Variants in PGR observed in about 807,000 individuals in gnomAD.
PGR encodes the protein nuclear receptor subfamily 3 group C member 3.
In PGR, 25 loss-of-function variants were observed where a neutral mutation model predicts 76.1. The observed-to-expected ratio is 0.33, with a 90% CI of 0.24 to 0.46. The LOEUF is 0.46. PGR is among the 20% of genes least tolerant of loss of function. PGR has a pLI of 1.00. For missense variants in PGR, 1,172 were observed against 1,225.3 expected, an observed-to-expected ratio of 0.96 and a Z score of 0.65; for synonymous variants, 579 against 535.0, an observed-to-expected ratio of 1.08 and a Z score of -1.14.
Position 101,127,874 on chromosome 11 carries a change from G to A in PGR, c.1197C>T (p.Arg399=), listed in dbSNP as rs1043504333. Residue 399 remains arginine, a synonymous_variant, in exon 1 of 8, where the codon CGC becomes CGT. Coordinates refer to ENST00000325455, the MANE Select transcript of PGR (RefSeq NM_000926.4). ...EEEEGAEASA[R]SPRSYLVAGA... Reference sequence around the variant, plus strand: ...CGGCCACAAGGTAGGAACGCGGGGAGCGCGCGGAGGCCTCCGCGCCTTCCT... The same window carrying A: ...CGGCCACAAGGTAGGAACGCGGGGAACGCGCGGAGGCCTCCGCGCCTTCCT... 8 of 1,602,096 alleles carry A rather than the reference G, an allele frequency of 5.0e-6. No individual in the cohort carries two copies. The highest frequency in any genetic ancestry group is 6.8e-6 in the Non-Finnish European group (8 of 1,177,832).
At chr11:101,047,225 T>C (rs888200132) in intron 6 of PGR, among the ~76,000 whole-genome samples, 6 of 152,108 alleles carry the variant, frequency 3.9e-5, no homozygotes, top group African/African-American at 1.2e-4. Context: ...GTTGATTAAT[T>C]CCATTGTTGT....
chr11:101,081,205 G>A (rs546825184), intron 3 of PGR, among the ~76,000 whole-genome samples: 1 of 152,158 alleles, frequency 6.6e-6, no homozygotes, highest in African/African-American at 2.4e-5. Context: ...TGAGGCAGGT[G>A]GATCATGAGG....
intron 3 of PGR, among the ~76,000 whole-genome samples, chr11:101,069,250 C>CCG (rs1565342569): frequency 6.6e-6 from 1 of 151,700 alleles, no homozygotes; most frequent in Non-Finnish European, 1.5e-5. Context: ...GGCCAAAAAA[C>CCG]ATGGAAAAAA....
At chr11:101,081,137 T>C (rs1166258832) in intron 3 of PGR, among the ~76,000 whole-genome samples, 1 of 151,990 alleles carries the variant, frequency 6.6e-6, no homozygotes, top group Non-Finnish European at 1.5e-5. Flanking sequence ...ACCACAAACA[T>C]GAACATCACT....
chr11:101,079,255 T>A (rs2135436845), intron 3 of PGR, among the ~76,000 whole-genome samples: 1 of 152,130 alleles, frequency 6.6e-6, no homozygotes, highest in East Asian at 1.9e-4. Flanking sequence ...GCATAGGCAA[T>A]CAAGGCAAAA....
chr11:101,035,234 T>G lies in PGR; in HGVS notation c.*3882A>C, dbSNP rs771982695. ...TACAAAAATAGAGTATCTTTAAATT[T>G]GAAAAAAAATGTATGTTTTGGCAAG... is the stretch of plus-strand genomic sequence containing the variant. On this transcript the variant is annotated 3_prime_UTR_variant, in exon 8 of 8. Coordinates refer to ENST00000325455, the MANE Select transcript of PGR (RefSeq NM_000926.4). The G allele has an allele frequency of 9.0e-6, 2 of 223,138 alleles. No homozygotes were observed. The highest frequency in any genetic ancestry group is 5.7e-5 in the Admixed American group (1 of 17,416). 13.8% of individuals were successfully genotyped at this position (223,138 alleles called of 1,614,324 possible). A position where few individuals can be genotyped will look rare whatever the true frequency, so the allele number is the denominator to read the frequency against.
rs1859605628 is a variant in PGR at position 101,039,034 on chromosome 11, TA to T, written c.*81del. The T allele has an allele frequency of 2.9e-6, 3 of 1,049,680 alleles. No homozygotes were observed. The highest frequency in any genetic ancestry group is 1.4e-5 in the South Asian group (1 of 73,992). 65.0% of individuals were successfully genotyped at this position (1,049,680 alleles called of 1,614,324 possible). On this transcript the variant is annotated 3_prime_UTR_variant, in exon 8 of 8. Coordinates refer to ENST00000325455, the MANE Select transcript of PGR (RefSeq NM_000926.4). ...ATGTAAGGCTTTCAGAAGAACATTA[TA>T]AAAACTCAAGACCTCATAATCCTGA...
chr11:101,062,567 C>T lies in PGR; in HGVS notation c.2092G>A (p.Val698Met). The T allele has an allele frequency of 6.2e-7, 1 of 1,613,964 alleles. No individual in the cohort carries two copies. The highest frequency in any genetic ancestry group is 1.3e-5 in the African/African-American group (1 of 75,014). The change falls in exon 4 of 8, where the codon GTG becomes ATG. Residue 698 changes from valine (V) to methionine (M), a missense_variant. This residue lies in a region of PGR where 166 missense variants were observed against 296.0 expected (regional missense o/e 0.56). Coordinates refer to ENST00000325455, the MANE Select transcript of PGR (RefSeq NM_000926.4). ...GTGTTGTCATGTCCTGCATAGATCA[C>T]ATCTGGTTCAATGCTCATTAACAGG... ...INLLMSIEPDVIYAGHDNTKP... is the reference protein window; with the variant it reads ...INLLMSIEPDMIYAGHDNTKP...
chr11:101,057,367 A>G (rs1165324341), intron 4 of PGR, among the ~76,000 whole-genome samples: 1 of 152,226 alleles, frequency 6.6e-6, no homozygotes, highest in African/African-American at 2.4e-5. Context: ...TTAGGGAACT[A>G]GATCTTAGAG....
rs771156945 is a variant in PGR, at chr11:101,128,410, C to T, written c.661G>A (p.Val221Ile). 4.7e-5 allele frequency: 76 copies of T among 1,610,682 alleles called. No individual in the cohort carries two copies. In the East Asian group the frequency reaches 1.6e-3, roughly 34 times the overall value. ...GACTCAGAGCCATCCTCCTCCTCAA[C>T]CTCCACCGCAGCGGCCTGCGGAGAC... ...KPSPQAAAVE[V>I]EEEDGSESEE... The change falls in exon 1 of 8, where the codon GTT (valine) becomes ATT (isoleucine). Residue 221 changes from valine to isoleucine, a missense_variant. Around this residue, in one of 4 missense-constraint regions of PGR, gnomAD observed 893 missense variants for 785.9 expected, o/e 1.14. Coordinates refer to ENST00000325455, the MANE Select transcript of PGR (RefSeq NM_000926.4).
At chr11:101,043,666 A>G (rs1859769651) in intron 6 of PGR, among the ~76,000 whole-genome samples, 1 of 152,196 alleles carries the variant, frequency 6.6e-6, no homozygotes, top group Non-Finnish European at 1.5e-5. Flanking sequence ...AAAGTGGAAA[A>G]TTACTCTTTG....
At chr11:101,100,397 T>A (rs1861961465) in intron 2 of PGR, among the ~76,000 whole-genome samples, 1 of 152,196 alleles carries the variant, frequency 6.6e-6, no homozygotes, top group Non-Finnish European at 1.5e-5. Context: ...TGTGAGTCAA[T>A]TAAACCTCTT....
At chr11:101,056,193 G>A (rs993586813) in intron 4 of PGR, among the ~76,000 whole-genome samples, 1 of 151,082 alleles carries the variant, frequency 6.6e-6, no homozygotes, top group Non-Finnish European at 1.5e-5. Context: ...CCTTCACATG[G>A]AGAAGTGATG....
At chr11:101,103,204 C>T (rs1016008862) in intron 2 of PGR, among the ~76,000 whole-genome samples, 2 of 151,952 alleles carry the variant, frequency 1.3e-5, no homozygotes, top group African/African-American at 2.4e-5. Context: ...ACCCACAAAT[C>T]GTAGGCTTGT....
rs182630714 is a variant in PGR at position 101,077,052 on chromosome 11, T to G, written c.1907-14300A>C. On this transcript the variant is annotated intron_variant, in intron 3 of 7. Coordinates refer to ENST00000325455, the MANE Select transcript of PGR (RefSeq NM_000926.4). ...ATTTTCTCTTTCCTATTTAACTTTT[T>G]CTATTAATTCAGAAGTTTTAATTTG... Among the ~76,000 whole-genome samples, 112 of 151,926 alleles carry G rather than the reference T, an allele frequency of 7.4e-4. 1 individual carries two copies. The highest frequency in any genetic ancestry group is 1.5e-5 in the Non-Finnish European group (1 of 67,940).
chr11:101,112,993 G>C (rs673943), intron 2 of PGR, among the ~76,000 whole-genome samples: 17,813 of 152,164 alleles, frequency 0.12, 1,354 homozygotes, highest in Non-Finnish European at 0.16. Context: ...ATTATGAAAT[G>C]TGTTCAGAAC....
At chr11:101,073,740 A>G (rs746277895) in intron 3 of PGR, among the ~76,000 whole-genome samples, 3 of 152,216 alleles carry the variant, frequency 2.0e-5, no homozygotes, top group African/African-American at 7.2e-5. Flanking sequence ...GAAGAAATGC[A>G]TACATTCCTG....
At position 101,042,109 on chromosome 11, in the gene PGR, A is replaced by G. The variant is rs1161948817; in HGVS notation, c.2489-7T>C. 2 of 1,613,166 alleles carry G rather than the reference A, an allele frequency of 1.2e-6. No homozygotes were observed. The highest frequency in any genetic ancestry group is 1.7e-6 in the Non-Finnish European group (2 of 1,179,404). On this transcript the variant is annotated splice_polypyrimidine_tract_variant and splice_region_variant and intron_variant, in intron 6 of 7. Transcript: ENST00000325455. ...CGTAGCCCTTCCAAAGGAACTGTTA[A>G]GAAGACAATTAAAAGTGGCAGTTGT... is the stretch of plus-strand genomic sequence containing the variant.
intron 1 of PGR, chr11:101,127,071 A>T (rs1453383609): frequency 6.1e-6 from 1 of 163,660 alleles, no homozygotes; most frequent in Non-Finnish European, 1.3e-5. Context: ...CTCGCCGCGC[A>T]CTTTCTGCCC....
Sources: gnomAD v4.1 joint callset for allele counts (sites outside exome capture counted in the v4.1 genomes callset) on GRCh38, gnomAD v4.1.1 for gene constraint, gnomAD v4.1.1 regional missense constraint, MANE v1.5 for transcripts, NCBI Gene and HGNC (gene_info 2026-07-23, HGNC 2026-07-21) for gene names.